The following ABLIM1 variants were observed in gnomAD, a reference collection of about 807,000 sequenced individuals.
ABLIM1 encodes the protein actin-binding LIM protein 1.
ABLIM1 carries 40 observed loss-of-function variants against 107.0 expected under a neutral mutation model. That is an observed-to-expected ratio of 0.37 (90% CI 0.29 to 0.49). ABLIM1 has a LOEUF of 0.49. Ranked by LOEUF, ABLIM1 falls within the 20% of genes least tolerant of loss-of-function variation. ABLIM1 has a pLI of 0.97. For missense variants in ABLIM1, 857 were observed against 1,008.5 expected (o/e 0.85, Z 2.04); for synonymous variants, 357 against 357.3 (o/e 1.00, Z 0.01).
intron 8 of ABLIM1, among the ~76,000 whole-genome samples, chr10:114,474,833 T>TG (rs1306753183): frequency 6.6e-6 from 1 of 152,210 alleles, no homozygotes; most frequent in Non-Finnish European, 1.5e-5. Flanking sequence ...AATTGAATCA[T>TG]GGGGCAGTTT....
At chr10:114,519,657 G>A (rs991539882) in intron 6 of ABLIM1, among the ~76,000 whole-genome samples, 1 of 152,184 alleles carries the variant, frequency 6.6e-6, no homozygotes, top group Non-Finnish European at 1.5e-5. Flanking sequence ...CTCCAATCTT[G>A]CTCAGGGATG....
In ABLIM1 at chr10:114,482,099, C is replaced by T. The variant is rs192183283; in HGVS notation, c.1041+5859G>A. Among the ~76,000 whole-genome samples the T allele has an allele frequency of 1.1e-4, 17 of 152,262 alleles. No individual in the cohort carries two copies. The East Asian group carries it at 3.1e-3, about 28-fold the overall frequency. ...CCTTTTAGAATGAAAGCAAGTGACACCCCCCAGATTATTACAGACTTGGTC... is the reference window on the plus strand; with the variant it reads ...CCTTTTAGAATGAAAGCAAGTGACATCCCCCAGATTATTACAGACTTGGTC... On this transcript the variant is annotated intron_variant, in intron 8 of 22. Transcript: ENST00000533213.
At chr10:114,512,603 T>C (rs528546792) in intron 6 of ABLIM1, among the ~76,000 whole-genome samples, 1 of 152,158 alleles carries the variant, frequency 6.6e-6, no homozygotes, top group South Asian at 2.1e-4. Flanking sequence ...GGAGGACGGA[T>C]CACTTGAGGT....
At chr10:114,524,116 G>C (rs994781511) in intron 6 of ABLIM1, among the ~76,000 whole-genome samples, 2 of 152,162 alleles carry the variant, frequency 1.3e-5, no homozygotes, top group African/African-American at 4.8e-5. Context: ...TTCCCTATCT[G>C]TTCAGCCAAT....
intron 1 of ABLIM1, chr10:114,631,936 C>G: frequency 3.1e-6 from 4 of 1,304,392 alleles, no homozygotes; most frequent in Non-Finnish European, 4.0e-6. Flanking sequence ...GGTCCTCCGA[C>G]GAGCAGGACT....
intron 1 of ABLIM1, among the ~76,000 whole-genome samples, chr10:114,702,923 A>G (rs2081336784): frequency 6.6e-6 from 1 of 152,190 alleles, no homozygotes; most frequent in Non-Finnish European, 1.5e-5. Flanking sequence ...GTTCTTAAAA[A>G]GAAAAATATT....
rs1181775853 is a variant in ABLIM1, at chr10:114,435,357, CTTTTTGG to C, written c.*896_*902del. Reference sequence around the variant, plus strand: ...ACATGGGACTTGTTTTTGTTTTTTGCTTTTTGGTTTTTTTTGGCCATGAATGATATGG... The same window carrying C: ...ACATGGGACTTGTTTTTGTTTTTTGCTTTTTTTTGGCCATGAATGATATGG... On this transcript the variant is annotated 3_prime_UTR_variant, in exon 23 of 23. Coordinates refer to ENST00000533213, the MANE Select transcript of ABLIM1 (RefSeq NM_002313.7). 8 of 152,108 alleles carry C rather than the reference CTTTTTGG, an allele frequency of 5.3e-5. No homozygotes were observed. The highest frequency in any genetic ancestry group is 7.4e-5 in the Non-Finnish European group (5 of 68,020). 9.4% of individuals were successfully genotyped at this position (152,108 alleles called of 1,614,324 possible).
chr10:114,586,086 C>A (rs1038330570), intron 2 of ABLIM1, among the ~76,000 whole-genome samples: 1 of 152,204 alleles, frequency 6.6e-6, no homozygotes, highest in African/African-American at 2.4e-5. Context: ...GGCATTTCTG[C>A]ATGACTTTAA....
chr10:114,732,695 C>T (rs1248043869), intron 1 of ABLIM1, among the ~76,000 whole-genome samples: 2 of 151,966 alleles, frequency 1.3e-5, no homozygotes, highest in Non-Finnish European at 2.9e-5. Context: ...AGTTATGCTA[C>T]CATGGTATCT....
chr10:114,463,169 G>A, intron 12 of ABLIM1: 3 of 1,272,880 alleles, frequency 2.4e-6, no homozygotes, highest in South Asian at 2.6e-5. Context: ...AAAGCTCTGT[G>A]CAGCAAGGAG....
chr10:114,466,161 G>A (rs75524988), intron 11 of ABLIM1, among the ~76,000 whole-genome samples: 5,437 of 152,124 alleles, frequency 0.036, 274 homozygotes, highest in African/African-American at 0.11. Context: ...GCAACACAAC[G>A]AGACCTTGTC....
At chr10:114,458,369 C>G (rs1271559970) in intron 12 of ABLIM1, among the ~76,000 whole-genome samples, 1 of 152,114 alleles carries the variant, frequency 6.6e-6, no homozygotes, top group Non-Finnish European at 1.5e-5. Context: ...CTGTACTTAA[C>G]ACATTTAAAT....
chr10:114,782,832 T>C, the ABLIM1 span, among the ~76,000 whole-genome samples: 2 of 152,070 alleles, frequency 1.3e-5, no homozygotes, highest in Non-Finnish European at 2.9e-5. Context: ...TAAGATATTT[T>C]GGAGGTAGAA....
upstream of ABLIM1, among the ~76,000 whole-genome samples, chr10:114,660,837 T>G (rs1394250026): frequency 6.6e-6 from 1 of 152,224 alleles, no homozygotes; most frequent in Non-Finnish European, 1.5e-5. Flanking sequence ...AACACAGACT[T>G]TGGACAGAAA....
At chr10:114,768,779 A>G (rs550160200), upstream of ABLIM1, among the ~76,000 whole-genome samples, 2 of 152,164 alleles carry the variant, frequency 1.3e-5, no homozygotes, top group South Asian at 2.1e-4. Context: ...GTCTGTGCAT[A>G]CACTTGATTT....
At chr10:114,784,060 C>T in the ABLIM1 span, among the ~76,000 whole-genome samples, 2 of 151,592 alleles carry the variant, frequency 1.3e-5, no homozygotes, top group Non-Finnish European at 2.9e-5. Context: ...TCTAAAGAAA[C>T]GGATGGGCCG....
At chr10:114,752,300 T>C (rs2082532669) in intron 1 of ABLIM1, among the ~76,000 whole-genome samples, 1 of 152,136 alleles carries the variant, frequency 6.6e-6, no homozygotes, top group Non-Finnish European at 1.5e-5. Flanking sequence ...AGAATTCAAG[T>C]CTCCTAACTC....
the ABLIM1 span, among the ~76,000 whole-genome samples, chr10:114,794,483 T>A: frequency 6.6e-6 from 1 of 152,220 alleles, no homozygotes; most frequent in African/African-American, 2.4e-5. Context: ...ATTTAAAAAA[T>A]CAAAGGAATT....
chr10:114,636,480 G>A (rs2078485658), intron 1 of ABLIM1, among the ~76,000 whole-genome samples: 1 of 152,196 alleles, frequency 6.6e-6, no homozygotes, highest in African/African-American at 2.4e-5. Flanking sequence ...CATTTGGATT[G>A]TGTTGGTGTG....
Sources: gnomAD v4.1 joint callset for allele counts (sites outside exome capture counted in the v4.1 genomes callset) on GRCh38, gnomAD v4.1.1 for gene constraint, MANE v1.5 for transcripts, NCBI Gene and HGNC (gene_info 2026-07-23, HGNC 2026-07-21) for gene names.